Variants in SLC4A9 observed in about 807,000 individuals in gnomAD.
SLC4A9 encodes the protein anion exchange protein 4.
SLC4A9 carries 102 observed loss-of-function variants against 103.2 expected under a neutral mutation model. The observed-to-expected ratio is 0.99, with a 90% CI of 0.84 to 1.17. The LOEUF (loss-of-function observed/expected upper bound fraction) is 1.17, where lower values mean the gene tolerates loss of function less well. SLC4A9 is among the 50% of genes most tolerant of loss of function. The pLI, the probability that SLC4A9 is intolerant of heterozygous loss-of-function variation, is 0.00. For missense variants in SLC4A9, 1,091 were observed against 1,193.7 expected (o/e 0.91, Z 1.27); for synonymous variants, 453 against 483.6 (o/e 0.94, Z 0.83).
intron 2 of SLC4A9, 131 bp from the exon 3 acceptor site, chr5:140,361,123 G>A: frequency 1.7e-6 from 2 of 1,176,486 alleles, no homozygotes. Flanking sequence ...AAAGCAGGGT[G>A]GAGGAGCAAG....
chr5:140,361,313 C>G lies in SLC4A9; in HGVS notation c.451C>G (p.Leu151Val). ...GCTGAGAGGGCAGTTGCAGGCCTTG[C>G]TGCTGCAGAGACCCCAGCATTACAA... is the stretch of plus-strand genomic sequence containing the variant. The part of the protein sequence containing the change: ...PELRGQLQAL[L>V]LQRPQHYNQT... The change falls in exon 3 of 22, where the codon CTG becomes GTG. Residue 151 changes from leucine (L) to valine (V), a missense_variant. Transcript: ENST00000506757. 1 of 1,570,142 alleles carries G rather than the reference C, an allele frequency of 6.4e-7. No homozygotes were observed. Among genetic ancestry groups the G allele is most frequent in the Non-Finnish European group, 8.6e-7 (1 of 1,157,500 alleles).
intron 19 of SLC4A9, 50 bp downstream of exon 19, chr5:140,371,674 T>C (rs931889133): frequency 6.3e-7 from 1 of 1,597,380 alleles, no homozygotes; most frequent in East Asian, 2.2e-5. Flanking sequence ...TGGGAGACTC[T>C]GAGCCTGGAA....
Position 140,368,568 on chromosome 5 carries a change from C to T in SLC4A9, c.2355-19C>T, listed in dbSNP as rs200027874. The T allele has an allele frequency of 9.3e-6, 15 of 1,609,992 alleles. No homozygotes were observed. Among genetic ancestry groups the T allele is most frequent in the Non-Finnish European group, 5.9e-6 (7 of 1,178,224 alleles). ...AGGGACTCTCCCAGACCTCAGCTAA[C>T]TCCTCCCTCTCCCCACAGGGAACAG... On this transcript the variant is annotated intron_variant, in intron 16 of 21. Coordinates refer to ENST00000506757, the MANE Select transcript of SLC4A9 (RefSeq NM_031467.3).
chr5:140,372,515 C>T, intron 20 of SLC4A9, 118 bp downstream of exon 20: 1 of 1,503,872 alleles, frequency 6.6e-7, no homozygotes, highest in South Asian at 1.3e-5. Context: ...TCAACAGTCA[C>T]TTCCCTTATC....
At chr5:140,368,990 T>C (rs1464209716) in intron 17 of SLC4A9, among the ~76,000 whole-genome samples, 1 of 152,088 alleles carries the variant, frequency 6.6e-6, no homozygotes, top group Non-Finnish European at 1.5e-5. Flanking sequence ...AGGGTCTAAG[T>C]GCTACCCTTG....
intron 18 of SLC4A9, 134 bp downstream of exon 18, chr5:140,371,297 C>A (rs1474928541): frequency 7.3e-7 from 1 of 1,379,154 alleles, no homozygotes; most frequent in African/African-American, 1.4e-5. Flanking sequence ...TGCCAATTTC[C>A]CTCTTACTCT....
intron 10 of SLC4A9, 35 bp from the exon 11 acceptor site, chr5:140,364,328 T>A: frequency 6.2e-7 from 1 of 1,610,546 alleles, no homozygotes; most frequent in Non-Finnish European, 8.5e-7. Flanking sequence ...CAGACAGCCC[T>A]GCTAAGCCAG....
At position 140,371,118 on chromosome 5, in the gene SLC4A9, T is replaced by C. The variant is rs1201250818; in HGVS notation, c.2451T>C (p.Tyr817=). ...AGTTCATTCCAATGCCTGTGCTCTATGGCATCTTCCTGTATATGGGGGTGG... is the reference window on the plus strand; with the variant it reads ...AGTTCATTCCAATGCCTGTGCTCTACGGCATCTTCCTGTATATGGGGGTGG... The part of the protein sequence containing the change: ...VLKFIPMPVL[Y]GIFLYMGVAA... Residue 817 remains tyrosine (Y), a synonymous_variant, in exon 18 of 22, where the codon TAT becomes TAC. Transcript: ENST00000506757. The C allele has an allele frequency of 3.7e-6, 6 of 1,612,260 alleles. No individual in the cohort carries two copies. In the East Asian group the frequency reaches 1.1e-4, roughly 30 times the overall value.
intron 21 of SLC4A9, 74 bp downstream of exon 21, chr5:140,372,917 T>A (rs973853868): frequency 1.1e-6 from 1 of 873,246 alleles, no homozygotes; most frequent in African/African-American, 1.7e-5. Context: ...CTCTCCAGTG[T>A]GTTGGCCAGC....
chr5:140,363,450 A>G lies in SLC4A9; in HGVS notation c.974A>G (p.Gln325Arg). ...CCCCTCCTCCTCAGGCTTCCCTCGC[A>G]ACAGCGGGAGATCAGAGGTCCCGCC... The part of the protein sequence containing the change: ...LPSQHKRLPS[Q>R]QREIRGPAVP... The change falls in exon 8 of 22, where the codon CAA (glutamine) becomes CGA (arginine). Residue 325 changes from glutamine (Q) to arginine (R), a missense_variant. Transcript: ENST00000506757. This position sits in a 1 kb window ranked among gnomAD's most constrained non-coding sequence, Gnocchi z 4.5. The G allele has an allele frequency of 6.4e-7, 1 of 1,551,254 alleles. No individual in the cohort carries two copies. Among genetic ancestry groups the G allele is most frequent in the Non-Finnish European group, 8.7e-7 (1 of 1,146,982 alleles).
Position 140,362,545 on chromosome 5 carries a change from GGTGT to G in SLC4A9, c.807+23_807+26del. 6.2e-7 allele frequency: 1 copy of G among 1,612,514 alleles called. No homozygotes were observed. The highest frequency in any genetic ancestry group is 8.5e-7 in the Non-Finnish European group (1 of 1,178,702). On this transcript the variant is annotated intron_variant, in intron 6 of 21. Coordinates refer to ENST00000506757, the MANE Select transcript of SLC4A9 (RefSeq NM_031467.3). The stretch of plus-strand genomic sequence containing the variant: ...CCTCAGTGACCCGGTGAGCTGAGCA[GGTGT>G]GTGTGTGTGCGCGCGCACGCGTGCA...
intron 19 of SLC4A9, 36 bp downstream of exon 19, chr5:140,371,660 G>A (rs755288554): frequency 1.9e-5 from 30 of 1,606,922 alleles, no homozygotes; most frequent in Non-Finnish European, 2.5e-5. Context: ...GTCCTGGAGG[G>A]TCTTGGGAGA....
chr5:140,362,677 G>A, intron 6 of SLC4A9, 145 bp downstream of exon 6: 1 of 1,013,602 alleles, frequency 9.9e-7, no homozygotes, highest in East Asian at 2.5e-5. Flanking sequence ...GGCACAGTGA[G>A]CACTGAGACT....
intron 16 of SLC4A9, among the ~76,000 whole-genome samples, chr5:140,368,107 G>A (rs1406015750): frequency 6.6e-6 from 1 of 152,150 alleles, no homozygotes; most frequent in African/African-American, 2.4e-5. Flanking sequence ...GGGGCCTCAA[G>A]AGGATTATCA....
chr5:140,361,325 C>T lies in SLC4A9; in HGVS notation c.463C>T (p.Pro155Ser). The T allele has an allele frequency of 6.4e-7, 1 of 1,566,462 alleles. No homozygotes were observed. Among genetic ancestry groups the T allele is most frequent in the South Asian group, 1.2e-5 (1 of 84,802 alleles). ...GTTGCAGGCCTTGCTGCTGCAGAGA[C>T]CCCAGCATTACAACCAGACCACAGG... The part of the protein sequence containing the change: ...GQLQALLLQR[P>S]QHYNQTTGTR... Residue 155 changes from proline (P) to serine (S), a missense_variant, in exon 3 of 22, where the codon CCC (proline) becomes TCC (serine). Transcript: ENST00000506757.
At chr5:140,362,310 G>A (rs1767205895) in intron 5 of SLC4A9, 135 bp from the exon 6 acceptor site, 2 of 1,240,126 alleles carry the variant, frequency 1.6e-6, no homozygotes, top group East Asian at 4.9e-5. Context: ...GGAGAGAGTA[G>A]TGGTCAGGGC....
chr5:140,363,320 T>C lies in SLC4A9; in HGVS notation c.963-119T>C. The C allele has an allele frequency of 1.9e-6, 2 of 1,028,050 alleles. No individual in the cohort carries two copies. The highest frequency in any genetic ancestry group is 2.8e-6 in the Non-Finnish European group (2 of 703,426). The allele number at this position is 1,028,050 out of a possible 1,614,324, so 63.7% of individuals were successfully genotyped here. The stretch of plus-strand genomic sequence containing the variant: ...CCTTCTAGAGGCCCAGGTGTCGCCA[T>C]GGTTCCCTCGCCGGCAGAGACAAGA... On this transcript the variant is annotated intron_variant, in intron 7 of 21. Transcript: ENST00000506757. The surrounding 1 kb of genome is among the most constrained non-coding windows in gnomAD (Gnocchi z 4.5).
chr5:140,371,417 G>C, intron 18 of SLC4A9, 34 bp from the exon 19 acceptor site: 1 of 1,612,814 alleles, frequency 6.2e-7, no homozygotes, highest in Non-Finnish European at 8.5e-7. Context: ...GGCTACCTGA[G>C]TGCCCTGCTT....
At chr5:140,366,411 G>GCCA (rs1767896340) in intron 14 of SLC4A9, 147 bp downstream of exon 14, 1 of 628,140 alleles carries the variant, frequency 1.6e-6, no homozygotes, top group Admixed American at 3.0e-5. Context: ...GCCTCACAGG[G>GCCA]TTGTCATGAG....
Sources: allele counts gnomAD v4.1 joint callset (sites outside exome capture counted in the v4.1 genomes callset), GRCh38; gene constraint gnomAD v4.1.1; non-coding constraint Gnocchi (gnomAD v3.1); transcripts MANE v1.5; gene names NCBI Gene and HGNC (gene_info 2026-07-23, HGNC 2026-07-21).